SLC35F3: variants seen among roughly 807,000 people sequenced by gnomAD.
SLC35F3 encodes the protein putative thiamine transporter SLC35F3.
A neutral mutation model predicts 49.9 loss-of-function variants in SLC35F3; 25 were observed. That is an observed-to-expected ratio of 0.50 (90% CI 0.37 to 0.70). The LOEUF is 0.70. SLC35F3 is among the 30% of genes least tolerant of loss of function. The probability of loss-of-function intolerance (pLI) is 0.00; values close to 1 mark genes in which losing one functional copy is unlikely to be tolerated. For synonymous variants in SLC35F3, 275 were observed against 265.4 expected (o/e 1.04, Z -0.35); for missense variants, 525 against 639.8 (o/e 0.82, Z 1.94).
intron 2 of SLC35F3, among the ~76,000 whole-genome samples, chr1:233,975,031 A>G (rs577909175): frequency 3.8e-4 from 58 of 152,354 alleles, no homozygotes; most frequent in Non-Finnish European, 2.9e-4. Context: ...GCGAGGCTGC[A>G]AAGTAGAGGC....
At chr1:234,174,423 C>T (rs779473451) in intron 2 of SLC35F3, among the ~76,000 whole-genome samples, 7 of 152,216 alleles carry the variant, frequency 4.6e-5, no homozygotes, top group Non-Finnish European at 8.8e-5. Flanking sequence ...ATCATAGCTT[C>T]TATTTGTTGA....
At chr1:234,289,644 T>C (rs1286056387) in intron 3 of SLC35F3, among the ~76,000 whole-genome samples, 1 of 152,190 alleles carries the variant, frequency 6.6e-6, no homozygotes, top group Non-Finnish European at 1.5e-5. Context: ...GGAGTCCAAA[T>C]TCACATTAGC....
chr1:234,247,490 G>A (rs577825596), intron 3 of SLC35F3, among the ~76,000 whole-genome samples: 1 of 152,056 alleles, frequency 6.6e-6, no homozygotes, highest in East Asian at 1.9e-4. Flanking sequence ...TGGATTGCTT[G>A]GCTGGTCCAT....
intron 2 of SLC35F3, among the ~76,000 whole-genome samples, chr1:234,049,806 G>C (rs1664348166): frequency 6.6e-6 from 1 of 151,990 alleles, no homozygotes; most frequent in Non-Finnish European, 1.5e-5. Context: ...CCCCACGACG[G>C]GCCCCGGTGT....
chr1:234,139,275 A>G lies in SLC35F3; in HGVS notation c.284-92142A>G, dbSNP rs10910362. Among the ~76,000 whole-genome samples, 653 of 152,338 alleles carry G rather than the reference A, an allele frequency of 4.3e-3. 3 individuals carry two copies. Among genetic ancestry groups the G allele is most frequent in the Non-Finnish European group, 7.9e-3 (536 of 68,034 alleles). ...CATGTAGTTGTTCCTTTCTTGAGACATTAGGAAAAAATGTTTAAGAAATGT... is the reference window on the plus strand; with the variant it reads ...CATGTAGTTGTTCCTTTCTTGAGACGTTAGGAAAAAATGTTTAAGAAATGT... On this transcript the variant is annotated intron_variant, in intron 2 of 7. Transcript: ENST00000366618.
intron 2 of SLC35F3, among the ~76,000 whole-genome samples, chr1:233,915,719 A>G (rs922917168): frequency 2.6e-5 from 4 of 152,146 alleles, no homozygotes; most frequent in African/African-American, 9.7e-5. Context: ...AAGCCTCACA[A>G]TCATGGTGGA....
At chr1:234,171,476 G>T (rs186230382) in intron 2 of SLC35F3, among the ~76,000 whole-genome samples, 7 of 152,290 alleles carry the variant, frequency 4.6e-5, no homozygotes, top group Admixed American at 3.9e-4. Flanking sequence ...TCTGTGCAGT[G>T]CCAATGTCTA....
At chr1:233,949,590 C>T (rs938610256) in intron 2 of SLC35F3, among the ~76,000 whole-genome samples, 7 of 152,122 alleles carry the variant, frequency 4.6e-5, no homozygotes, top group Non-Finnish European at 8.8e-5. Flanking sequence ...GTGAGAATTT[C>T]CCCAGGACCA....
At chr1:233,950,858 C>G (rs1662596035) in intron 2 of SLC35F3, among the ~76,000 whole-genome samples, 1 of 151,682 alleles carries the variant, frequency 6.6e-6, no homozygotes, top group Non-Finnish European at 1.5e-5. Context: ...TTTTTTTTCC[C>G]CCTGCAATAT....
At chr1:234,204,581 A>G (rs1362470767) in intron 2 of SLC35F3, among the ~76,000 whole-genome samples, 1 of 152,190 alleles carries the variant, frequency 6.6e-6, no homozygotes, top group Non-Finnish European at 1.5e-5. Context: ...TATCTGTTAG[A>G]AGGTAGTTTA....
intron 2 of SLC35F3, among the ~76,000 whole-genome samples, chr1:233,926,925 G>T (rs924652526): frequency 1.3e-5 from 2 of 152,108 alleles, no homozygotes; most frequent in African/African-American, 4.8e-5. Context: ...GTTTGCTGGG[G>T]GTTCACTCCA....
chr1:234,008,828 A>G (rs1196671820), intron 2 of SLC35F3, among the ~76,000 whole-genome samples: 1 of 152,166 alleles, frequency 6.6e-6, no homozygotes. Flanking sequence ...GTAGTCTCCA[A>G]TCTGAGACTC....
chr1:234,257,006 G>T (rs1311854939), intron 3 of SLC35F3, among the ~76,000 whole-genome samples: 3 of 152,240 alleles, frequency 2.0e-5, no homozygotes, highest in East Asian at 1.9e-4. Flanking sequence ...TACAATAATA[G>T]TTTCATGGTA....
intron 4 of SLC35F3, among the ~76,000 whole-genome samples, chr1:234,315,913 G>A (rs527621854): frequency 1.3e-5 from 2 of 152,214 alleles, no homozygotes; most frequent in Non-Finnish European, 2.9e-5. Context: ...TTCCATGAGA[G>A]TAATATGTAC....
intron 2 of SLC35F3, among the ~76,000 whole-genome samples, chr1:234,023,446 T>C (rs1218403184): frequency 1.3e-5 from 2 of 152,164 alleles, no homozygotes; most frequent in Non-Finnish European, 2.9e-5. Context: ...AGTATTTGAT[T>C]ATATGTATGA....
At position 234,027,653 on chromosome 1, in the gene SLC35F3, T is replaced by C. The variant is rs149993469; in HGVS notation, c.283+121895T>C. 1.3e-5 allele frequency among the ~76,000 whole-genome samples: 2 copies of C among 152,284 alleles called. No individual in the cohort carries two copies. Among genetic ancestry groups the C allele is most frequent in the South Asian group, 2.1e-4 (1 of 4,828 alleles). On this transcript the variant is annotated intron_variant, in intron 2 of 7. Transcript: ENST00000366618. The surrounding 1 kb of genome is among the most constrained non-coding windows in gnomAD (Gnocchi z 4.1). ...GAAAGAAAGGGACAGATGTGAATGA[T>C]AGTGAGAAAATAAAATTGATAAAAA... is the stretch of plus-strand genomic sequence containing the variant.
intron 2 of SLC35F3, among the ~76,000 whole-genome samples, chr1:234,060,511 A>G (rs953590797): frequency 2.6e-5 from 4 of 152,160 alleles, no homozygotes; most frequent in East Asian, 1.9e-4. Flanking sequence ...CAGTAGCACA[A>G]TCTCAGCTCA....
At chr1:234,248,516 T>C (rs1268568762) in intron 3 of SLC35F3, among the ~76,000 whole-genome samples, 1 of 152,306 alleles carries the variant, frequency 6.6e-6, no homozygotes, top group Non-Finnish European at 1.5e-5. Context: ...CATTGTTTGA[T>C]GGGTCAGTTG....
intron 2 of SLC35F3, among the ~76,000 whole-genome samples, chr1:234,018,742 T>G (rs1353791994): frequency 6.6e-6 from 1 of 152,230 alleles, no homozygotes; most frequent in Non-Finnish European, 1.5e-5. Context: ...CAAGCATCTC[T>G]GCCAAAAATT....
Sources: gnomAD v4.1 joint callset for allele counts (sites outside exome capture counted in the v4.1 genomes callset) on GRCh38, gnomAD v4.1.1 for gene constraint, Gnocchi (gnomAD v3.1) non-coding constraint, MANE v1.5 for transcripts, NCBI Gene and HGNC (gene_info 2026-07-23, HGNC 2026-07-21) for gene names.